The following WDR59 variants were observed in gnomAD, a reference collection of about 807,000 sequenced individuals.
WDR59 encodes the protein GATOR2 complex protein WDR59.
In WDR59, 100 loss-of-function variants were observed where a neutral mutation model predicts 131.2. The observed-to-expected ratio is 0.76, with a 90% CI of 0.65 to 0.90. WDR59 has a LOEUF of 0.90. WDR59 is among the 40% of genes least tolerant of loss of function. The probability of loss-of-function intolerance (pLI) is 0.00; values close to 1 mark genes in which losing one functional copy is unlikely to be tolerated. For missense variants in WDR59, 1,203 were observed against 1,262.2 expected (o/e 0.95, Z 0.71); for synonymous variants, 601 against 466.2 (o/e 1.29, Z -3.72).
intron 1 of WDR59, among the ~76,000 whole-genome samples, chr16:74,974,664 T>C (rs1439796723): frequency 1.3e-5 from 2 of 152,244 alleles, no homozygotes; most frequent in East Asian, 3.9e-4. Context: ...ACAAACGACG[T>C]AGTTTACGCT....
chr16:74,984,190 T>C (rs538223524), intron 1 of WDR59, among the ~76,000 whole-genome samples: 8 of 152,052 alleles, frequency 5.3e-5, no homozygotes, highest in Non-Finnish European at 8.8e-5. Context: ...GGCAGGAGAA[T>C]TGCTTGAATC....
At chr16:74,958,594 A>AG (rs2033410563) in intron 2 of WDR59, among the ~76,000 whole-genome samples, 1 of 95,602 alleles carries the variant, frequency 1.0e-5, no homozygotes, top group African/African-American at 4.7e-5. Context: ...CTCCATCTCA[A>AG]AAAAAAAAAA....
At chr16:74,964,396 A>G (rs1487270668) in intron 2 of WDR59, among the ~76,000 whole-genome samples, 1 of 141,164 alleles carries the variant, frequency 7.1e-6, no homozygotes. Context: ...AAAAAAGAGC[A>G]GGGAGCTGGA....
intron 1 of WDR59, among the ~76,000 whole-genome samples, chr16:74,981,796 C>CA (rs2034440905): frequency 7.1e-6 from 1 of 141,798 alleles, no homozygotes; most frequent in Admixed American, 7.0e-5. Context: ...GCTGGGATTA[C>CA]AGGTGCATGC....
At chr16:74,915,731 C>A (rs557476321) in intron 13 of WDR59, 139 bp downstream of exon 13, 109 of 1,343,994 alleles carry the variant, frequency 8.1e-5, no homozygotes, top group Non-Finnish European at 1.1e-4. Flanking sequence ...GCCAGAAAAC[C>A]CAGGAAATAA....
At chr16:74,923,722 G>A (rs2030489440) in intron 9 of WDR59, among the ~76,000 whole-genome samples, 1 of 152,216 alleles carries the variant, frequency 6.6e-6, no homozygotes, top group South Asian at 2.1e-4. Flanking sequence ...GGATCCAGGT[G>A]TGAGCCACTG....
chr16:74,883,312 C>T (rs534796861), intron 25 of WDR59, among the ~76,000 whole-genome samples: 5 of 152,066 alleles, frequency 3.3e-5, no homozygotes, highest in Admixed American at 2.6e-4. Context: ...CGTGAGTCAC[C>T]GTACCCGGCC....
At chr16:74,980,481 G>A (rs1041219153) in intron 1 of WDR59, among the ~76,000 whole-genome samples, 3 of 149,940 alleles carry the variant, frequency 2.0e-5, no homozygotes, top group African/African-American at 7.4e-5. Context: ...AGCCTCCCGA[G>A]TAGGTGGAAT....
chr16:74,887,727 G>C lies in WDR59; in HGVS notation c.2375C>G (p.Ser792Cys). Residue 792 changes from serine (S) to cysteine (C), a missense_variant, in exon 23 of 26, where the codon TCC becomes TGC. Coordinates refer to ENST00000262144, the MANE Select transcript of WDR59 (RefSeq NM_030581.4). ...YPSFTSSGSCSSMSDPGLNTG... is the reference protein window; with the variant it reads ...YPSFTSSGSCCSMSDPGLNTG... ...GTTGAGCCCTGGGTCTGACATACTG[G>C]AGCAGGAACCAGAAGAGGTAAAGCT... The C allele has an allele frequency of 5.0e-6, 8 of 1,614,124 alleles. No individual in the cohort carries two copies. The highest frequency in any genetic ancestry group is 6.8e-6 in the Non-Finnish European group (8 of 1,180,018).
chr16:74,915,991 A>C lies in WDR59; in HGVS notation c.1103T>G (p.Leu368Arg). 2 of 1,614,180 alleles carry C rather than the reference A, an allele frequency of 1.2e-6. No individual in the cohort carries two copies. The highest frequency in any genetic ancestry group is 1.1e-5 in the South Asian group (1 of 91,086). Residue 368 changes from leucine (L) to arginine (R), a missense_variant, in exon 13 of 26, where the codon CTA (leucine) becomes CGA (arginine). Physicochemically the swap from Leu to Arg is moderately radical, Grantham distance 102. Transcript: ENST00000262144. Reference protein sequence around the residue: ...HTASHGEEEALKEDPPRNLLE... With the variant: ...HTASHGEEEARKEDPPRNLLE... Reference sequence around the variant, plus strand: ...GAGATTTCTAGGGGGATCTTCTTTTAGGGCTAGCAGGAGAGAGAAGTTCAA... The same window carrying C: ...GAGATTTCTAGGGGGATCTTCTTTTCGGGCTAGCAGGAGAGAGAAGTTCAA...
chr16:74,938,077 A>G, intron 8 of WDR59, 73 bp downstream of exon 8: 5 of 1,080,456 alleles, frequency 4.6e-6, no homozygotes, highest in Non-Finnish European at 6.5e-6. Flanking sequence ...CAGCTTTCCA[A>G]CCAAGGTGGA....
chr16:74,947,019 A>G (rs1267420534), intron 6 of WDR59, among the ~76,000 whole-genome samples: 1 of 152,250 alleles, frequency 6.6e-6, no homozygotes, highest in African/African-American at 2.4e-5. Context: ...GTTCTATTCC[A>G]CATTCTACTC....
Position 74,873,825 on chromosome 16 carries a change from T to G in WDR59, c.*384A>C, listed in dbSNP as rs1348776026. 2.3e-4 allele frequency: 42 copies of G among 185,766 alleles called. No homozygotes were observed. The highest frequency in any genetic ancestry group is 4.5e-5 in the Non-Finnish European group (4 of 89,628). The allele number at this position is 185,766 out of a possible 1,614,324, so 11.5% of individuals were successfully genotyped here. On this transcript the variant is annotated 3_prime_UTR_variant, in exon 26 of 26. Transcript: ENST00000262144. ...CCCACTGTCCTCGGGCATCTGACTC[T>G]GGTCTCTGCACTGGCATCAAGAGAA...
At chr16:74,982,767 T>G (rs12443735) in intron 1 of WDR59, among the ~76,000 whole-genome samples, 1 of 152,192 alleles carries the variant, frequency 6.6e-6, no homozygotes, top group Non-Finnish European at 1.5e-5. Context: ...TTAATCCAAA[T>G]GCTACTGCTC....
chr16:74,911,925 A>G lies in WDR59; in HGVS notation c.1389+273T>C, dbSNP rs1243310627. ...TTACAGGCAATATTTCTCAAATCAT[A>G]TGCAATCATTGTGCAGATTTTTCTG... On this transcript the variant is annotated intron_variant, in intron 14 of 25. Coordinates refer to ENST00000262144, the MANE Select transcript of WDR59 (RefSeq NM_030581.4). The G allele has an allele frequency of 5.5e-6, 3 of 544,296 alleles. No homozygotes were observed. The African/African-American group carries it at 5.6e-5, about 10-fold the overall frequency. 33.7% of individuals were successfully genotyped at this position (544,296 alleles called of 1,614,324 possible).
At chr16:74,911,520 T>G (rs1966088802) in intron 14 of WDR59, among the ~76,000 whole-genome samples, 1 of 152,144 alleles carries the variant, frequency 6.6e-6, no homozygotes, top group Non-Finnish European at 1.5e-5. Flanking sequence ...TCATGGGGCT[T>G]TGTCATGGAG....
chr16:74,908,836 T>C lies in WDR59; in HGVS notation c.1712+72A>G, dbSNP rs377722664. On this transcript the variant is annotated intron_variant, in intron 17 of 25. Transcript: ENST00000262144. ...ATGCACTGTCCAAAAGCAAACTCAG[T>C]GGTCCTTCCCAGGTCTCTGGCCACT... 6.9e-6 allele frequency: 9 copies of C among 1,298,968 alleles called. No homozygotes were observed. In the South Asian group the frequency reaches 9.6e-5, roughly 14 times the overall value. The allele number at this position is 1,298,968 out of a possible 1,614,324, so 80.5% of individuals were successfully genotyped here. A position where few individuals can be genotyped will look rare whatever the true frequency, so the allele number is the denominator to read the frequency against.
intron 2 of WDR59, among the ~76,000 whole-genome samples, chr16:74,956,866 G>A (rs2033316452): frequency 6.6e-6 from 1 of 152,094 alleles, no homozygotes; most frequent in Non-Finnish European, 1.5e-5. Flanking sequence ...ATCCATGAGA[G>A]TCTGGATTCA....
intron 8 of WDR59, among the ~76,000 whole-genome samples, chr16:74,927,552 C>T (rs1327493186): frequency 7.5e-6 from 1 of 132,528 alleles, no homozygotes; most frequent in Admixed American, 9.0e-5. Context: ...CGCGCCACTG[C>T]ACTCCAGCCT....
Sources: gnomAD v4.1 joint callset for allele counts (sites outside exome capture counted in the v4.1 genomes callset) on GRCh38, gnomAD v4.1.1 for gene constraint, MANE v1.5 for transcripts, NCBI Gene and HGNC (gene_info 2026-07-23, HGNC 2026-07-21) for gene names.